Variants in FSTL5 observed in about 807,000 individuals in gnomAD.
FSTL5 encodes follistatin like 5.
Under a neutral mutation model 89.1 loss-of-function variants are expected in FSTL5, and 62 were observed. The ratio of observed to expected loss-of-function variants is 0.70; its 90% CI spans 0.57 to 0.86. The LOEUF is 0.86. Ranked by LOEUF, FSTL5 falls within the 40% of genes least tolerant of loss-of-function variation. The pLI is 0.00. For synonymous variants in FSTL5, 383 were observed against 346.2 expected (o/e 1.11, Z -1.18); for missense variants, 1,057 against 1,001.6 (o/e 1.06, Z -0.75).
At chr4:161,986,607 G>A (rs1269274668) in intron 3 of FSTL5, among the ~76,000 whole-genome samples, 2 of 152,158 alleles carry the variant, frequency 1.3e-5, no homozygotes, top group African/African-American at 2.4e-5. Context: ...CATTTTGAAA[G>A]AGAGATTTTG....
At chr4:161,642,048 TTAAAAA>T (rs1436000204) in intron 7 of FSTL5, among the ~76,000 whole-genome samples, 1 of 152,152 alleles carries the variant, frequency 6.6e-6, no homozygotes, top group East Asian at 1.9e-4. Context: ...AAAGACATAG[TTAAAAA>T]TAAAAAATTT....
At chr4:161,808,647 A>G (rs1227234326) in intron 4 of FSTL5, among the ~76,000 whole-genome samples, 2 of 152,104 alleles carry the variant, frequency 1.3e-5, no homozygotes, top group African/African-American at 4.8e-5. Context: ...CCCAGATAAA[A>G]TGAAACTCAT....
chr4:162,081,728 G>C (rs1210620812), intron 2 of FSTL5, among the ~76,000 whole-genome samples: 2 of 151,370 alleles, frequency 1.3e-5, no homozygotes, highest in Non-Finnish European at 3.0e-5. Context: ...CCTGTCCATA[G>C]ATATTGTAAA....
intron 13 of FSTL5, among the ~76,000 whole-genome samples, chr4:161,463,006 G>C (rs1322943995): frequency 6.6e-6 from 1 of 152,046 alleles, no homozygotes; most frequent in Non-Finnish European, 1.5e-5. Flanking sequence ...AAAGAGGTAA[G>C]GCTTTCATTG....
At chr4:161,455,287 G>C (rs932627272) in intron 14 of FSTL5, among the ~76,000 whole-genome samples, 159 bp from the exon 15 acceptor site, 6 of 152,074 alleles carry the variant, frequency 3.9e-5, no homozygotes, top group Non-Finnish European at 8.8e-5. Context: ...TTACAATTCT[G>C]TGACTGTTTT....
chr4:161,798,997 A>T (rs1729718397), intron 4 of FSTL5, among the ~76,000 whole-genome samples: 1 of 151,586 alleles, frequency 6.6e-6, no homozygotes. Flanking sequence ...AAAAAGGTAA[A>T]CCCTATATTA....
intron 8 of FSTL5, among the ~76,000 whole-genome samples, chr4:161,551,203 G>A (rs1161352331): frequency 6.7e-6 from 1 of 149,822 alleles, no homozygotes; most frequent in African/African-American, 2.5e-5. Flanking sequence ...CCCACCAACA[G>A]TGTAAAAGTG....
rs535841529 is a variant in FSTL5 at position 161,454,829 on chromosome 4, A to G, written c.1841+175T>C. Reference sequence around the variant, plus strand: ...CATAAAGAGAAACATTTTATGGGAAATTCATCACTAGTGTTGATAAACAAA... The same window carrying G: ...CATAAAGAGAAACATTTTATGGGAAGTTCATCACTAGTGTTGATAAACAAA... On this transcript the variant is annotated intron_variant, in intron 15 of 15. Transcript: ENST00000306100. 3.9e-5 allele frequency among the ~76,000 whole-genome samples: 6 copies of G among 152,360 alleles called. No homozygotes were observed. In the South Asian group the frequency reaches 1.2e-3, roughly 32 times the overall value.
chr4:161,823,632 G>A (rs754584802), intron 4 of FSTL5, among the ~76,000 whole-genome samples: 1 of 152,166 alleles, frequency 6.6e-6, no homozygotes, highest in Non-Finnish European at 1.5e-5. Context: ...TGGCTGTGTG[G>A]CTGCAACTGT....
intron 13 of FSTL5, among the ~76,000 whole-genome samples, chr4:161,476,182 T>TTTTTTG (rs1734136014): frequency 2.9e-5 from 3 of 103,754 alleles, no homozygotes; most frequent in African/African-American, 1.1e-4. Flanking sequence ...GGTTTTTTTT[T>TTTTTTG]TTTTTTGTTT....
chr4:161,543,002 T>C (rs972652762), intron 8 of FSTL5, among the ~76,000 whole-genome samples: 22 of 151,922 alleles, frequency 1.4e-4, no homozygotes, highest in Non-Finnish European at 2.6e-4. Context: ...TAAAAGAGAC[T>C]CCAATTTGCT....
chr4:161,900,918 A>C (rs1436081704), intron 4 of FSTL5, among the ~76,000 whole-genome samples: 1 of 152,104 alleles, frequency 6.6e-6, no homozygotes, highest in East Asian at 1.9e-4. Flanking sequence ...AGTACTGTTT[A>C]ACTTTTTTCT....
At chr4:161,455,162 A>T (rs773527550) in intron 14 of FSTL5, 34 bp from the exon 15 acceptor site, 1 of 1,534,372 alleles carries the variant, frequency 6.5e-7, no homozygotes, top group Admixed American at 2.2e-5. Flanking sequence ...GACCTCAACA[A>T]TGCAGTCACT....
chr4:161,860,105 A>ATG (rs1175631096), intron 4 of FSTL5, among the ~76,000 whole-genome samples: 8 of 151,546 alleles, frequency 5.3e-5, no homozygotes, highest in South Asian at 4.2e-4. Context: ...TGGCTAGCGC[A>ATG]GTGAAACCCC....
intron 15 of FSTL5, among the ~76,000 whole-genome samples, chr4:161,393,047 C>T (rs1268317834): frequency 6.6e-6 from 1 of 151,658 alleles, no homozygotes; most frequent in Non-Finnish European, 1.5e-5. Flanking sequence ...ATCTGTAGTC[C>T]CAGCTACTTG....
At chr4:161,814,118 T>A (rs556422884) in intron 4 of FSTL5, among the ~76,000 whole-genome samples, 1 of 151,328 alleles carries the variant, frequency 6.6e-6, no homozygotes, top group African/African-American at 2.4e-5. Context: ...AAGAGAAAGA[T>A]GGAAGGCATA....
At chr4:161,943,493 C>T (rs1452642041) in intron 3 of FSTL5, among the ~76,000 whole-genome samples, 2 of 134,826 alleles carry the variant, frequency 1.5e-5, no homozygotes, top group East Asian at 2.3e-4. Context: ...TGTTTCAGAA[C>T]TCCTATAAGT....
chr4:161,532,459 T>C (rs1425278183), intron 10 of FSTL5, among the ~76,000 whole-genome samples: 1 of 152,228 alleles, frequency 6.6e-6, no homozygotes, highest in African/African-American at 2.4e-5. Context: ...AATTTGCTTT[T>C]TCATTTAAAA....
intron 7 of FSTL5, among the ~76,000 whole-genome samples, chr4:161,594,051 T>C (rs1467429829): frequency 6.6e-6 from 1 of 152,036 alleles, no homozygotes. Context: ...TTGAGAAAGA[T>C]TAGAGTTAAG....
Sources: gnomAD v4.1 joint callset for allele counts (sites outside exome capture counted in the v4.1 genomes callset) on GRCh38, gnomAD v4.1.1 for gene constraint, MANE v1.5 for transcripts, NCBI Gene and HGNC (gene_info 2026-07-23, HGNC 2026-07-21) for gene names.